CYP3A5: variants seen among roughly 807,000 people sequenced by gnomAD.
CYP3A5 encodes the protein cytochrome P450 family 3 subfamily A member 5.
In CYP3A5, 51 loss-of-function variants were observed where a neutral mutation model predicts 55.9. That is an observed-to-expected ratio of 0.91 (90% CI 0.73 to 1.15). CYP3A5 has a LOEUF of 1.15. Among genes scored for constraint, CYP3A5 ranks in the 50% most tolerant of loss-of-function variants. CYP3A5 has a pLI of 0.00. For synonymous variants in CYP3A5, 196 were observed against 213.9 expected (o/e 0.92, Z 0.73); for missense variants, 533 against 596.6 (o/e 0.89, Z 1.11).
chr7:99,665,351 C>T (rs753043532), intron 6 of CYP3A5, 37 bp from the exon 7 acceptor site: 1 of 1,612,300 alleles, frequency 6.2e-7, no homozygotes, highest in African/African-American at 1.3e-5. Context: ...AAAATCAGCA[C>T]CTCTTACCGT....
chr7:99,660,205 G>A lies in CYP3A5; in HGVS notation c.1026+294C>T, dbSNP rs1440819622. ...GCTGTTCCTGTTTGGCCATCTTCTC[G>A]CCACACTCCTTTTTTTTTTTTTTTT... On this transcript the variant is annotated intron_variant, in intron 10 of 12. Coordinates refer to ENST00000222982, the MANE Select transcript of CYP3A5 (RefSeq NM_000777.5). 5.8e-5 allele frequency: 56 copies of A among 962,166 alleles called. No homozygotes were observed. The African/African-American group carries it at 9.1e-4, about 16-fold the overall frequency. The allele number at this position is 962,166 out of a possible 1,614,324, so 59.6% of individuals were successfully genotyped here. A position where few individuals can be genotyped will look rare whatever the true frequency, so the allele number is the denominator to read the frequency against.
At chr7:99,651,342 T>C (rs928947287) in intron 11 of CYP3A5, among the ~76,000 whole-genome samples, 2 of 152,230 alleles carry the variant, frequency 1.3e-5, no homozygotes, top group Admixed American at 1.3e-4. Context: ...ATATAAATCA[T>C]ATGAATTTCT....
intron 10 of CYP3A5, among the ~76,000 whole-genome samples, chr7:99,654,769 G>A (rs567405971): frequency 2.2e-4 from 33 of 152,258 alleles, no homozygotes; most frequent in Admixed American, 1.2e-3. Flanking sequence ...TTTAATGATC[G>A]CCATTCTAAC....
intron 10 of CYP3A5, among the ~76,000 whole-genome samples, chr7:99,657,905 C>T (rs147583026): frequency 1.7e-3 from 265 of 152,232 alleles, no homozygotes; most frequent in African/African-American, 6.2e-3. Context: ...AGGATTGCAA[C>T]CCCTGCCTTT....
intron 10 of CYP3A5, among the ~76,000 whole-genome samples, chr7:99,658,506 C>G (rs1810024473): frequency 6.6e-6 from 1 of 151,950 alleles, no homozygotes. Flanking sequence ...TCTCTGGCTG[C>G]CCTTAACATT....
intron 1 of CYP3A5, among the ~76,000 whole-genome samples, chr7:99,676,938 A>T (rs983533487): frequency 1.3e-5 from 2 of 152,030 alleles, no homozygotes; most frequent in Non-Finnish European, 2.9e-5. Flanking sequence ...AGGATGGTTG[A>T]TCCATATGTC....
intron 8 of CYP3A5, 153 bp downstream of exon 8, chr7:99,663,815 C>T (rs1358265733): frequency 1.5e-6 from 2 of 1,342,356 alleles, no homozygotes; most frequent in African/African-American, 3.0e-5. Flanking sequence ...CTTCCCCAAT[C>T]TCCTTCTTTA....
chr7:99,650,793 C>T (rs139176081), intron 11 of CYP3A5, among the ~76,000 whole-genome samples: 1 of 152,012 alleles, frequency 6.6e-6, no homozygotes, highest in Non-Finnish European at 1.5e-5. Context: ...CTCTCCATCT[C>T]TTCCTCTCTT....
At chr7:99,677,672 C>T (rs1351296099) in intron 1 of CYP3A5, among the ~76,000 whole-genome samples, 1 of 152,200 alleles carries the variant, frequency 6.6e-6, no homozygotes, top group East Asian at 1.9e-4. Flanking sequence ...TGAGCAGGCC[C>T]AGTCATACAT....
intron 10 of CYP3A5, chr7:99,659,696 ACCT>A (rs911307742): frequency 2.6e-5 from 4 of 152,198 alleles, no homozygotes; most frequent in Non-Finnish European, 4.4e-5. Context: ...AGGCAGGCAG[ACCT>A]CCTTGAGCTG....
At chr7:99,660,096 C>T (rs550123639) in intron 10 of CYP3A5, 4 of 561,074 alleles carry the variant, frequency 7.1e-6, no homozygotes, top group Admixed American at 1.2e-4. Context: ...CAACAATCCC[C>T]ATTGAGATGC....
Position 99,676,115 on chromosome 7 carries a change from C to CT in CYP3A5, c.164dup (p.Leu57SerfsTer5). 6.2e-7 allele frequency: 1 copy of CT among 1,613,368 alleles called. No individual in the cohort carries two copies. The highest frequency in any genetic ancestry group is 8.5e-7 in the Non-Finnish European group (1 of 1,179,622). On this transcript the variant is annotated frameshift_variant and splice_region_variant, in exon 2 of 13. Transcript: ENST00000222982. LOFTEE classifies it high-confidence loss of function. ...AAAAGAGGAAGCTCAAGCAACTCACCTGACGATAGGACAAAACATTTCCCA... is the reference window on the plus strand; with the variant it reads ...AAAAGAGGAAGCTCAAGCAACTCACCTTGACGATAGGACAAAACATTTCCCA...
At position 99,679,870 on chromosome 7, in the gene CYP3A5, C is replaced by T; in HGVS notation, c.27G>A (p.Val9=). The T allele has an allele frequency of 6.2e-7, 1 of 1,614,110 alleles. No homozygotes were observed. Among genetic ancestry groups the T allele is most frequent in the South Asian group, 1.1e-5 (1 of 91,082 alleles). Reference sequence around the variant, plus strand: ...TGACAGCCAGGAGAAGCCAGGTTTCCACCGCCAAATTTGGGATGAGGTCCA... The same window carrying T: ...TGACAGCCAGGAGAAGCCAGGTTTCTACCGCCAAATTTGGGATGAGGTCCA... MDLIPNLA[V]ETWLLLAVSL... The change falls in exon 1 of 13, where the codon GTG becomes GTA. Residue 9 remains valine, a synonymous_variant. Transcript: ENST00000222982.
chr7:99,674,803 G>A (rs1812061180), intron 2 of CYP3A5, among the ~76,000 whole-genome samples: 1 of 152,184 alleles, frequency 6.6e-6, no homozygotes, highest in Non-Finnish European at 1.5e-5. Context: ...TTTTCTCTAA[G>A]TACTGAAGGA....
chr7:99,671,117 TTG>T (rs59010937), intron 4 of CYP3A5: 41,710 of 141,332 alleles, frequency 0.3, 6,570 homozygotes, highest in East Asian at 0.48. Context: ...CACAGACCAT[TTG>T]TGTGTGTGTG....
chr7:99,658,079 A>G (rs1344915167), intron 10 of CYP3A5, among the ~76,000 whole-genome samples: 2 of 152,204 alleles, frequency 1.3e-5, no homozygotes, highest in African/African-American at 4.8e-5. Context: ...TAGCCCGTTT[A>G]CATTTAAGGT....
At chr7:99,654,380 C>A (rs1040040149) in intron 10 of CYP3A5, among the ~76,000 whole-genome samples, 1 of 152,164 alleles carries the variant, frequency 6.6e-6, no homozygotes, top group Non-Finnish European at 1.5e-5. Context: ...TGGTTTCCAG[C>A]TTCATCCATG....
Position 99,663,973 on chromosome 7 carries a change from G to T in CYP3A5, c.793C>A (p.Gln265Lys). 6.3e-7 allele frequency: 1 copy of T among 1,580,408 alleles called. No individual in the cohort carries two copies. The highest frequency in any genetic ancestry group is 8.5e-7 in the Non-Finnish European group (1 of 1,171,530). ...TAACCACCATCAGATTTTACCTTTTGTTTGTCGTTGAGGCGACTTTTCTTC... is the reference window on the plus strand; with the variant it reads ...TAACCACCATCAGATTTTACCTTTTTTTTGTCGTTGAGGCGACTTTTCTTC... ...RMKKSRLNDK[Q>K]KHRLDFLQLM... Residue 265 changes from glutamine to lysine, a missense_variant, in exon 8 of 13, where the codon CAA becomes AAA. Coordinates refer to ENST00000222982, the MANE Select transcript of CYP3A5 (RefSeq NM_000777.5).
At chr7:99,658,026 A>T (rs1809955733) in intron 10 of CYP3A5, among the ~76,000 whole-genome samples, 1 of 151,416 alleles carries the variant, frequency 6.6e-6, no homozygotes, top group Non-Finnish European at 1.5e-5. Context: ...ATGGGTCTTG[A>T]CTCTATCCAG....
Sources: gnomAD v4.1 joint callset for allele counts (sites outside exome capture counted in the v4.1 genomes callset) on GRCh38, gnomAD v4.1.1 for gene constraint, MANE v1.5 for transcripts, NCBI Gene and HGNC (gene_info 2026-07-23, HGNC 2026-07-21) for gene names.